The following UBE2R2 variants were observed in gnomAD, a reference collection of about 807,000 sequenced individuals.
UBE2R2 encodes ubiquitin conjugating enzyme E2 R2.
In UBE2R2, 1 loss-of-function variant was observed where a neutral mutation model predicts 27.8. That is an observed-to-expected ratio of 0.04 (90% CI 0.01 to 0.17). UBE2R2 has a LOEUF of 0.17. Among genes scored for constraint, UBE2R2 ranks in the 10% least tolerant of loss-of-function variants. UBE2R2 has a pLI of 1.00. For missense variants in UBE2R2, 100 were observed against 291.0 expected, an observed-to-expected ratio of 0.34 and a Z score of 4.78; for synonymous variants, 106 against 113.3, an observed-to-expected ratio of 0.94 and a Z score of 0.41.
At chr9:33,878,738 A>G (rs1821669114) in intron 1 of UBE2R2, among the ~76,000 whole-genome samples, 1 of 152,186 alleles carries the variant, frequency 6.6e-6, no homozygotes, top group Non-Finnish European at 1.5e-5. Context: ...GAGATTTTAT[A>G]GGATAGTGTT....
chr9:33,904,635 G>A (rs111977607), intron 3 of UBE2R2, among the ~76,000 whole-genome samples: 2 of 152,204 alleles, frequency 1.3e-5, no homozygotes, highest in African/African-American at 4.8e-5. Context: ...CAGATCTGGT[G>A]AGTAGTGAGA....
chr9:33,872,191 C>T (rs1587459949), intron 1 of UBE2R2, among the ~76,000 whole-genome samples: 1 of 149,844 alleles, frequency 6.7e-6, no homozygotes, highest in East Asian at 2.0e-4. Context: ...TCCAGGAGTT[C>T]GAGACCAGCC....
rs975996029 is a variant in UBE2R2 at position 33,817,620 on chromosome 9, G to A, written c.-138G>A. ...CCACGGGCCGTGTGGGGCCTGGTCTGGCCCGCCGGGTGTGTGAAGACCGGG... is the reference window on the plus strand; with the variant it reads ...CCACGGGCCGTGTGGGGCCTGGTCTAGCCCGCCGGGTGTGTGAAGACCGGG... On this transcript the variant is annotated 5_prime_UTR_variant, in exon 1 of 5. Transcript: ENST00000263228. The A allele has an allele frequency of 2.8e-6, 3 of 1,056,060 alleles. No homozygotes were observed. The highest frequency in any genetic ancestry group is 3.4e-5 in the African/African-American group (2 of 58,710). 65.4% of individuals were successfully genotyped at this position (1,056,060 alleles called of 1,614,324 possible).
chr9:33,905,450 C>T (rs1206139913), intron 3 of UBE2R2, among the ~76,000 whole-genome samples: 2 of 152,112 alleles, frequency 1.3e-5, no homozygotes, highest in African/African-American at 4.8e-5. Context: ...GGTTTTTGTG[C>T]ATGGGGTCCC....
At chr9:33,903,770 C>G (rs575335328) in intron 3 of UBE2R2, among the ~76,000 whole-genome samples, 5 of 152,238 alleles carry the variant, frequency 3.3e-5, no homozygotes, top group African/African-American at 1.2e-4. Flanking sequence ...CCCAGGCCAC[C>G]TGAGCCACAA....
At chr9:33,887,229 T>C (rs1455338908) in intron 2 of UBE2R2, among the ~76,000 whole-genome samples, 1 of 152,214 alleles carries the variant, frequency 6.6e-6, no homozygotes, top group Non-Finnish European at 1.5e-5. Flanking sequence ...GCTAGGGTTA[T>C]AATACACATG....
chr9:33,831,683 G>A (rs1209105242), intron 1 of UBE2R2, among the ~76,000 whole-genome samples: 2 of 151,380 alleles, frequency 1.3e-5, no homozygotes, highest in African/African-American at 4.9e-5. Flanking sequence ...TTTTTGAGAC[G>A]GAGTCTCACT....
At chr9:33,834,625 T>C (rs113164908) in intron 1 of UBE2R2, among the ~76,000 whole-genome samples, 1,784 of 151,928 alleles carry the variant, frequency 0.012, 36 homozygotes, top group African/African-American at 0.04. Flanking sequence ...AATTAGAAAA[T>C]ATAGACCTCG....
At chr9:33,882,348 G>A (rs1381750470) in intron 1 of UBE2R2, among the ~76,000 whole-genome samples, 40 of 152,082 alleles carry the variant, frequency 2.6e-4, no homozygotes, top group Admixed American at 2.4e-3. Flanking sequence ...GTGCAGTGGT[G>A]CGATCTCGGC....
At chr9:33,883,883 C>T (rs1821790629) in intron 1 of UBE2R2, among the ~76,000 whole-genome samples, 1 of 151,342 alleles carries the variant, frequency 6.6e-6, no homozygotes, top group Non-Finnish European at 1.5e-5. Context: ...ATGAACAGGC[C>T]AGCTGTGGTG....
At chr9:33,875,946 A>C (rs979304933) in intron 1 of UBE2R2, among the ~76,000 whole-genome samples, 1 of 152,236 alleles carries the variant, frequency 6.6e-6, no homozygotes, top group African/African-American at 2.4e-5. Context: ...TTATTTCATA[A>C]AATTTCAAAA....
chr9:33,913,384 G>A (rs1047220851), intron 4 of UBE2R2, among the ~76,000 whole-genome samples: 2 of 152,080 alleles, frequency 1.3e-5, no homozygotes, highest in Non-Finnish European at 2.9e-5. Context: ...TGGGCCTCCT[G>A]AGTAACTAAG....
Position 33,897,137 on chromosome 9 carries a change from C to G in UBE2R2, c.265-3037C>G, listed in dbSNP as rs562962600. ...CTGCAAGCTCCGCCTCCTGGGTTCA[C>G]GCCATTCTCTTGCCTCAGCCTCCTG... On this transcript the variant is annotated intron_variant, in intron 2 of 4. Coordinates refer to ENST00000263228, the MANE Select transcript of UBE2R2 (RefSeq NM_017811.4). Among the ~76,000 whole-genome samples the G allele has an allele frequency of 1.1e-3, 159 of 141,662 alleles. 1 individual carries two copies. Among genetic ancestry groups the G allele is most frequent in the African/African-American group, 4.0e-3 (153 of 38,236 alleles). 92.9% of individuals were successfully genotyped at this position (141,662 alleles called of 152,430 possible). A position where few individuals can be genotyped will look rare whatever the true frequency, so the allele number is the denominator to read the frequency against.
intron 1 of UBE2R2, among the ~76,000 whole-genome samples, chr9:33,869,591 A>G (rs1198027780): frequency 2.6e-5 from 4 of 151,826 alleles, no homozygotes; most frequent in South Asian, 2.1e-4. Context: ...CTGGAATTAC[A>G]GGTGCCCACC....
In UBE2R2 at chr9:33,834,870, G is replaced by A. The variant is rs567714255; in HGVS notation, c.177+16936G>A. ...GGTTGCAGTAAGCCGAGATCGTGCC[G>A]TTGCACTCCAGCCTGGGCAACAAGA... On this transcript the variant is annotated intron_variant, in intron 1 of 4. Coordinates refer to ENST00000263228, the MANE Select transcript of UBE2R2 (RefSeq NM_017811.4). 5.4e-4 allele frequency among the ~76,000 whole-genome samples: 81 copies of A among 151,056 alleles called. 1 individual carries two copies. Among genetic ancestry groups the A allele is most frequent in the African/African-American group, 1.7e-3 (69 of 41,186 alleles).
chr9:33,909,127 TATCATC>T (rs150348242), intron 3 of UBE2R2, among the ~76,000 whole-genome samples: 2 of 152,110 alleles, frequency 1.3e-5, no homozygotes, highest in African/African-American at 4.8e-5. Flanking sequence ...GGTTATACAT[TATCATC>T]ATCATCATCG....
chr9:33,850,427 A>G lies in UBE2R2; in HGVS notation c.177+32493A>G, dbSNP rs1298620732. The stretch of plus-strand genomic sequence containing the variant: ...TTGCTTCATTTCTCAGTCACCTGTA[A>G]CCATTCTTCATTCCATGATACTAGA... On this transcript the variant is annotated intron_variant, in intron 1 of 4. Coordinates refer to ENST00000263228, the MANE Select transcript of UBE2R2 (RefSeq NM_017811.4). Among the ~76,000 whole-genome samples, 4 of 152,196 alleles carry G rather than the reference A, an allele frequency of 2.6e-5. No individual in the cohort carries two copies. In the South Asian group the frequency reaches 6.2e-4, roughly 24 times the overall value.
rs1356892451 is a variant in UBE2R2 at position 33,912,879 on chromosome 9, AT to A, written c.497+782del. 5.9e-5 allele frequency among the ~76,000 whole-genome samples: 9 copies of A among 152,232 alleles called. No individual in the cohort carries two copies. The East Asian group carries it at 1.7e-3, about 29-fold the overall frequency. On this transcript the variant is annotated intron_variant, in intron 4 of 4. Coordinates refer to ENST00000263228, the MANE Select transcript of UBE2R2 (RefSeq NM_017811.4). ...TAATCTCTTAGGACATCAGGTTCTT[AT>A]AATAGTACCCAAGAAATTTGCAATA...
At chr9:33,820,994 C>T (rs1825972478) in intron 1 of UBE2R2, among the ~76,000 whole-genome samples, 1 of 152,122 alleles carries the variant, frequency 6.6e-6, no homozygotes, top group African/African-American at 2.4e-5. Context: ...ATAGTTTCTT[C>T]TGTCCATTCT....
Sources: gnomAD v4.1 joint callset for allele counts (sites outside exome capture counted in the v4.1 genomes callset) on GRCh38, gnomAD v4.1.1 for gene constraint, MANE v1.5 for transcripts, NCBI Gene and HGNC (gene_info 2026-07-23, HGNC 2026-07-21) for gene names.